GPM6A: variants seen among roughly 807,000 people sequenced by gnomAD.
The protein encoded by GPM6A is glycoprotein M6A.
Under a neutral mutation model 32.1 loss-of-function variants are expected in GPM6A, and 7 were observed. The ratio of observed to expected loss-of-function variants is 0.22; its 90% confidence interval spans 0.12 to 0.41. GPM6A has a LOEUF of 0.41. Among genes scored for constraint, GPM6A ranks in the 10% least tolerant of loss-of-function variants. GPM6A has a pLI of 1.00. For missense variants in GPM6A, 235 were observed against 347.2 expected, an observed-to-expected ratio of 0.68 and a Z score of 2.57; for synonymous variants, 130 against 123.4, an observed-to-expected ratio of 1.05 and a Z score of -0.35.
intron 1 of GPM6A, among the ~76,000 whole-genome samples, chr4:175,939,669 CAGA>C (rs1338183773): frequency 1.3e-5 from 2 of 151,948 alleles, no homozygotes; most frequent in Non-Finnish European, 2.9e-5. Flanking sequence ...TGGAAAAAGT[CAGA>C]AGAAAATTCA....
At chr4:175,767,646 G>A (rs1733026173) in intron 1 of GPM6A, among the ~76,000 whole-genome samples, 2 of 152,228 alleles carry the variant, frequency 1.3e-5, no homozygotes, top group African/African-American at 2.4e-5. Flanking sequence ...ATATGTGGCT[G>A]TAGTTATGGC....
At chr4:175,691,303 C>A (rs2111036754) in intron 2 of GPM6A, among the ~76,000 whole-genome samples, 1 of 152,268 alleles carries the variant, frequency 6.6e-6, no homozygotes, top group Middle Eastern at 3.4e-3. Flanking sequence ...AAACAATCAT[C>A]CATATTATCC....
intron 1 of GPM6A, among the ~76,000 whole-genome samples, chr4:175,877,497 A>C (rs139373582): frequency 2.4e-4 from 36 of 152,282 alleles, no homozygotes; most frequent in African/African-American, 8.7e-4. Flanking sequence ...ACTTATAATC[A>C]TGGTGGAAGG....
chr4:175,825,840 AAC>A (rs1296283945), intron 1 of GPM6A, among the ~76,000 whole-genome samples: 2 of 152,198 alleles, frequency 1.3e-5, no homozygotes, highest in Non-Finnish European at 2.9e-5. Context: ...TTTCAAGTTG[AAC>A]ATTTTCAAGT....
At chr4:175,845,565 C>T (rs904056068) in intron 1 of GPM6A, among the ~76,000 whole-genome samples, 1 of 152,100 alleles carries the variant, frequency 6.6e-6, no homozygotes, top group Admixed American at 6.6e-5. Context: ...CTGATTATAA[C>T]TACATTTAAA....
intron 1 of GPM6A, among the ~76,000 whole-genome samples, chr4:175,801,513 A>G (rs1734470569): frequency 6.6e-6 from 1 of 152,144 alleles, no homozygotes; most frequent in Admixed American, 6.5e-5. Context: ...ATTAATACCT[A>G]AAGGCTGAAG....
intron 1 of GPM6A, among the ~76,000 whole-genome samples, chr4:175,702,885 G>T (rs1232499434): frequency 2.0e-5 from 3 of 152,150 alleles, no homozygotes; most frequent in Non-Finnish European, 4.4e-5. Flanking sequence ...TGATATTTGA[G>T]TGGTGACTCA....
intron 1 of GPM6A, among the ~76,000 whole-genome samples, chr4:175,923,913 T>A (rs923450908): frequency 6.6e-6 from 1 of 152,192 alleles, no homozygotes; most frequent in Non-Finnish European, 1.5e-5. Context: ...CATCTTGATA[T>A]CATAAGACAA....
chr4:175,996,427 A>T (rs62340608), intron 1 of GPM6A, among the ~76,000 whole-genome samples: 33,378 of 152,128 alleles, frequency 0.22, 3,740 homozygotes, highest in African/African-American at 0.25. Context: ...ACTACAAAGC[A>T]TCTAGTTGAT....
At position 175,634,896 on chromosome 4, in the gene GPM6A, A is replaced by G. The variant is rs377471227; in HGVS notation, c.*9T>C. On this transcript the variant is annotated 3_prime_UTR_variant, in exon 7 of 7. Coordinates refer to ENST00000393658, the MANE Select transcript of GPM6A (RefSeq NM_201591.3). The stretch of plus-strand genomic sequence containing the variant: ...GCATTCAAATGGTAGAAAGAACAGG[A>G]AGATGCATTTATGTGTATGCATTGA... 31 of 1,608,098 alleles carry G rather than the reference A, an allele frequency of 1.9e-5. No homozygotes were observed. The highest frequency in any genetic ancestry group is 2.6e-5 in the Non-Finnish European group (30 of 1,175,078).
intron 2 of GPM6A, among the ~76,000 whole-genome samples, chr4:175,678,406 G>T (rs1743496784): frequency 6.6e-6 from 1 of 152,048 alleles, no homozygotes; most frequent in Admixed American, 6.6e-5. Context: ...ATGGATAGGG[G>T]TGGCATTAAG....
chr4:175,982,318 A>C (rs1185538268), intron 1 of GPM6A, among the ~76,000 whole-genome samples: 1 of 152,170 alleles, frequency 6.6e-6, no homozygotes, highest in African/African-American at 2.4e-5. Context: ...ATATTTGCTT[A>C]ACATAAGGTC....
intron 2 of GPM6A, among the ~76,000 whole-genome samples, chr4:175,699,793 G>T (rs1744774991): frequency 6.6e-6 from 1 of 151,982 alleles, no homozygotes; most frequent in Non-Finnish European, 1.5e-5. Context: ...TAAAAATTTT[G>T]CTATGTACTC....
At chr4:175,896,938 T>C (rs73010175) in intron 1 of GPM6A, among the ~76,000 whole-genome samples, 1 of 152,198 alleles carries the variant, frequency 6.6e-6, no homozygotes, top group East Asian at 1.9e-4. Flanking sequence ...CAGGGAAAAT[T>C]ATTATATTCA....
At chr4:175,951,847 C>A (rs900001385) in intron 1 of GPM6A, among the ~76,000 whole-genome samples, 5 of 152,026 alleles carry the variant, frequency 3.3e-5, no homozygotes, top group Non-Finnish European at 5.9e-5. Flanking sequence ...TGAGGTGGGC[C>A]CCATTCAATC....
chr4:175,778,540 G>A (rs962061517), intron 1 of GPM6A, among the ~76,000 whole-genome samples: 6 of 148,730 alleles, frequency 4.0e-5, no homozygotes, highest in South Asian at 2.1e-4. Flanking sequence ...CAGGAGAATC[G>A]CTTGAACCTG....
At chr4:175,734,042 G>A (rs1001959702) in intron 1 of GPM6A, among the ~76,000 whole-genome samples, 17 of 151,402 alleles carry the variant, frequency 1.1e-4, no homozygotes, top group African/African-American at 3.6e-4. Flanking sequence ...TGACTTCCAC[G>A]ATCAAAGCTT....
chr4:175,848,182 C>T (rs746350590), intron 1 of GPM6A, among the ~76,000 whole-genome samples: 3 of 152,132 alleles, frequency 2.0e-5, no homozygotes, highest in Non-Finnish European at 2.9e-5. Context: ...CGCATTCTAG[C>T]GCTCAAGCTT....
At chr4:175,911,661 T>G (rs1014581170) in intron 1 of GPM6A, among the ~76,000 whole-genome samples, 1 of 152,204 alleles carries the variant, frequency 6.6e-6, no homozygotes, top group Non-Finnish European at 1.5e-5. Context: ...CTGGTTGTAT[T>G]GAAAATCAGG....
Sources: gnomAD v4.1 joint callset for allele counts (sites outside exome capture counted in the v4.1 genomes callset) on GRCh38, gnomAD v4.1.1 for gene constraint, MANE v1.5 for transcripts, NCBI Gene and HGNC (gene_info 2026-07-23, HGNC 2026-07-21) for gene names.